Variants in ADAMTS20 observed in about 807,000 individuals in gnomAD.
ADAMTS20 encodes A disintegrin and metalloproteinase with thrombospondin motifs 20.
ADAMTS20 carries 225 observed loss-of-function variants against 260.1 expected under a neutral mutation model. The observed-to-expected ratio is 0.87, with a 90% CI of 0.78 to 0.97. ADAMTS20 has a LOEUF of 0.97. Among genes scored for constraint, ADAMTS20 ranks in the 50% least tolerant of loss-of-function variants. The pLI is 0.00. For missense variants in ADAMTS20, 2,400 were observed against 2,337.7 expected (o/e 1.03, Z -0.55); for synonymous variants, 802 against 769.5 (o/e 1.04, Z -0.70).
chr12:43,481,375 T>G (rs772732662), intron 7 of ADAMTS20, among the ~76,000 whole-genome samples: 4 of 152,194 alleles, frequency 2.6e-5, no homozygotes, highest in Non-Finnish European at 5.9e-5. Context: ...GATAATAAAT[T>G]TATCTGCTAA....
At chr12:43,368,256 T>C (rs372456530) in intron 37 of ADAMTS20, among the ~76,000 whole-genome samples, 10 of 152,262 alleles carry the variant, frequency 6.6e-5, no homozygotes, top group Middle Eastern at 6.8e-3. Flanking sequence ...ACGATTATAT[T>C]AGGTTGTTTA....
chr12:43,487,508 A>G (rs1942541378), intron 7 of ADAMTS20, among the ~76,000 whole-genome samples: 1 of 152,102 alleles, frequency 6.6e-6, no homozygotes, highest in Non-Finnish European at 1.5e-5. Context: ...GGTGCACGAA[A>G]ATCTTAAGAC....
chr12:43,499,491 T>C, intron 4 of ADAMTS20, among the ~76,000 whole-genome samples: 1 of 149,942 alleles, frequency 6.7e-6, no homozygotes, highest in African/African-American at 2.5e-5. Context: ...TACTGATTTT[T>C]TTTTTTTTTT....
intron 3 of ADAMTS20, among the ~76,000 whole-genome samples, chr12:43,529,480 G>T (rs1288919168): frequency 1.3e-5 from 2 of 152,138 alleles, no homozygotes; most frequent in Non-Finnish European, 2.9e-5. Flanking sequence ...CCACAAAAAG[G>T]CATGAAATAA....
At chr12:43,427,747 A>T (rs1182969191) in intron 26 of ADAMTS20, among the ~76,000 whole-genome samples, 1 of 152,204 alleles carries the variant, frequency 6.6e-6, no homozygotes, top group Non-Finnish European at 1.5e-5. Flanking sequence ...AAGAAATTAA[A>T]GTTTTTGAGA....
chr12:43,435,685 A>T (rs1231205882), intron 18 of ADAMTS20, among the ~76,000 whole-genome samples: 23 of 150,038 alleles, frequency 1.5e-4, no homozygotes, highest in African/African-American at 4.4e-4. Context: ...AAATAAAATA[A>T]AAAAAGTCTA....
chr12:43,528,784 G>A (rs537064304), intron 3 of ADAMTS20, among the ~76,000 whole-genome samples: 5 of 151,694 alleles, frequency 3.3e-5, no homozygotes, highest in Non-Finnish European at 5.9e-5. Context: ...AAGCAAACAC[G>A]ACAAAAACAA....
At chr12:43,413,875 C>G (rs1941078955) in intron 28 of ADAMTS20, among the ~76,000 whole-genome samples, 1 of 152,118 alleles carries the variant, frequency 6.6e-6, no homozygotes. Context: ...CATATCCCAC[C>G]ACACTCCTAA....
intron 4 of ADAMTS20, among the ~76,000 whole-genome samples, chr12:43,501,450 T>C: frequency 8.7e-6 from 1 of 114,390 alleles, no homozygotes; most frequent in East Asian, 3.9e-4. Flanking sequence ...CCCAGGGTGG[T>C]GGAGGGGGAT....
At chr12:43,454,592 T>A (rs1941931055) in intron 11 of ADAMTS20, among the ~76,000 whole-genome samples, 1 of 152,222 alleles carries the variant, frequency 6.6e-6, no homozygotes, top group South Asian at 2.1e-4. Context: ...TGCTACCTGT[T>A]AGCACACATG....
At chr12:43,377,049 C>G (rs1565671511) in intron 32 of ADAMTS20, among the ~76,000 whole-genome samples, 2 of 152,090 alleles carry the variant, frequency 1.3e-5, no homozygotes, top group African/African-American at 2.4e-5. Context: ...ACTTTTATTA[C>G]TCATATATTA....
intron 7 of ADAMTS20, among the ~76,000 whole-genome samples, chr12:43,469,267 G>A (rs961718564): frequency 1.3e-5 from 2 of 152,024 alleles, no homozygotes; most frequent in African/African-American, 4.8e-5. Flanking sequence ...AAGAATTACT[G>A]CCGTCACTGA....
At chr12:43,376,795 T>C in intron 32 of ADAMTS20, 142 bp from the exon 33 acceptor site, 1 of 936,690 alleles carries the variant, frequency 1.1e-6, no homozygotes, top group Non-Finnish European at 1.5e-6. Flanking sequence ...CACAAAACTA[T>C]GCTGGGGGCT....
At chr12:43,360,615 C>G (rs1377155874) in intron 37 of ADAMTS20, among the ~76,000 whole-genome samples, 2 of 152,010 alleles carry the variant, frequency 1.3e-5, no homozygotes, top group Non-Finnish European at 2.9e-5. Flanking sequence ...GAAGACATAA[C>G]ACATAATAAA....
intron 3 of ADAMTS20, among the ~76,000 whole-genome samples, chr12:43,523,477 G>A (rs1159274393): frequency 6.6e-6 from 1 of 152,178 alleles, no homozygotes; most frequent in East Asian, 1.9e-4. Flanking sequence ...GGGGGCAAGT[G>A]GAAAGAGTGC....
chr12:43,412,446 A>G (rs968650562), intron 28 of ADAMTS20, among the ~76,000 whole-genome samples: 1 of 152,264 alleles, frequency 6.6e-6, no homozygotes, highest in Non-Finnish European at 1.5e-5. Flanking sequence ...TCCCACAAAA[A>G]TAACCTTGAA....
rs1182347225 is a variant in ADAMTS20, at chr12:43,376,113, C to T, written c.5256G>A (p.Lys1752=). 1 of 1,610,182 alleles carries T rather than the reference C, an allele frequency of 6.2e-7. No homozygotes were observed. Among genetic ancestry groups the T allele is most frequent in the South Asian group, 1.1e-5 (1 of 89,912 alleles). ...YCADMYLENP[K]EYLTLVQGEE... ...CACCTTGGACCAGTGTTAAATATTCCTTAGGGTTCTCCAAGTACATGTCTG... is the reference window on the plus strand; with the variant it reads ...CACCTTGGACCAGTGTTAAATATTCTTTAGGGTTCTCCAAGTACATGTCTG... Residue 1752 remains lysine (K), a synonymous_variant, in exon 35 of 39, where the codon AAG becomes AAA. Coordinates refer to ENST00000389420, the MANE Select transcript of ADAMTS20 (RefSeq NM_025003.5).
intron 3 of ADAMTS20, among the ~76,000 whole-genome samples, chr12:43,525,463 C>T (rs1240588276): frequency 6.6e-6 from 1 of 151,918 alleles, no homozygotes; most frequent in Non-Finnish European, 1.5e-5. Flanking sequence ...AACAATTACA[C>T]AACGAAAAAA....
Position 43,440,004 on chromosome 12 carries a change from CTTTT to C in ADAMTS20, c.2352_2355del (p.Glu786SerfsTer85), listed in dbSNP as rs1177283960. 2.5e-6 allele frequency: 4 copies of C among 1,580,210 alleles called. No individual in the cohort carries two copies. The East Asian group carries it at 6.8e-5, about 27-fold the overall frequency. ...GTTCTTGTTCCTTGCACATTGATTT[CTTTT>C]TTTGACGTACTTAGAAGAAAATTTC... On this transcript the variant is annotated frameshift_variant, in exon 17 of 39. Coordinates refer to ENST00000389420, the MANE Select transcript of ADAMTS20 (RefSeq NM_025003.5). LOFTEE classifies it high-confidence loss of function.
Sources: gnomAD v4.1 joint callset for allele counts (sites outside exome capture counted in the v4.1 genomes callset) on GRCh38, gnomAD v4.1.1 for gene constraint, MANE v1.5 for transcripts, NCBI Gene and HGNC (gene_info 2026-07-23, HGNC 2026-07-21) for gene names.